Variants in PDCD6IP observed in about 807,000 individuals in gnomAD.
The protein encoded by PDCD6IP is programmed cell death 6-interacting protein.
In PDCD6IP, 43 loss-of-function variants were observed where a neutral mutation model predicts 103.7. That is an observed-to-expected ratio of 0.41 (90% CI 0.32 to 0.53). PDCD6IP has a LOEUF of 0.53. PDCD6IP is among the 20% of genes least tolerant of loss of function. The pLI, the probability that PDCD6IP is intolerant of heterozygous loss-of-function variation, is 0.16. For synonymous variants in PDCD6IP, 354 were observed against 378.7 expected (o/e 0.93, Z 0.76); for missense variants, 871 against 1,036.7 (o/e 0.84, Z 2.20).
chr3:33,865,208 A>G, intron 16 of PDCD6IP, 35 bp from the exon 17 acceptor site: 2 of 1,423,612 alleles, frequency 1.4e-6, no homozygotes, highest in Non-Finnish European at 1.9e-6. Flanking sequence ...AGAAATATGA[A>G]ACATTTTATA....
At chr3:33,848,007 C>A (rs4678617) in intron 12 of PDCD6IP, among the ~76,000 whole-genome samples, 1 of 151,886 alleles carries the variant, frequency 6.6e-6, no homozygotes, top group African/African-American at 2.4e-5. Flanking sequence ...TACCTCCTTA[C>A]AGGTAGAGCA....
At chr3:33,820,712 C>T (rs1279170151) in intron 3 of PDCD6IP, among the ~76,000 whole-genome samples, 1 of 152,104 alleles carries the variant, frequency 6.6e-6, no homozygotes, top group Non-Finnish European at 1.5e-5. Flanking sequence ...AAGATTCATC[C>T]GTGTTATAGC....
At chr3:33,814,661 G>C (rs958606355) in intron 3 of PDCD6IP, among the ~76,000 whole-genome samples, 1 of 142,254 alleles carries the variant, frequency 7.0e-6, no homozygotes, top group Non-Finnish European at 1.5e-5. Flanking sequence ...TATTATATAT[G>C]CATGTATGTA....
intron 10 of PDCD6IP, among the ~76,000 whole-genome samples, chr3:33,843,904 G>T (rs1697531146): frequency 6.9e-6 from 1 of 145,644 alleles, no homozygotes; most frequent in African/African-American, 2.6e-5. Context: ...TGAGAAAGGT[G>T]ATAGCTAATT....
chr3:33,845,880 A>C (rs1169327974), intron 12 of PDCD6IP, among the ~76,000 whole-genome samples: 2 of 152,230 alleles, frequency 1.3e-5, no homozygotes, highest in Non-Finnish European at 2.9e-5. Context: ...GAAGCTTGGA[A>C]GTATAGAAAT....
intron 12 of PDCD6IP, among the ~76,000 whole-genome samples, chr3:33,848,137 T>C (rs1330542462): frequency 2.6e-5 from 4 of 152,208 alleles, no homozygotes; most frequent in African/African-American, 7.2e-5. Flanking sequence ...AGAAAGTTTA[T>C]AGACATATTG....
chr3:33,802,897 C>T (rs1174864438), intron 1 of PDCD6IP, among the ~76,000 whole-genome samples: 1 of 152,186 alleles, frequency 6.6e-6, no homozygotes, highest in Admixed American at 6.5e-5. Flanking sequence ...TCCAGCCTCA[C>T]ATTGAACTAC....
Position 33,798,653 on chromosome 3 carries a change from C to T in PDCD6IP, c.-76C>T, listed in dbSNP as rs954484684. Reference sequence around the variant, plus strand: ...CCAGTCAGTCCGCCAGTCCGCCAGCCCAGTACCTCTCTCTCCTCGGCCCTC... The same window carrying T: ...CCAGTCAGTCCGCCAGTCCGCCAGCTCAGTACCTCTCTCTCCTCGGCCCTC... On this transcript the variant is annotated 5_prime_UTR_variant, in exon 1 of 18. Coordinates refer to ENST00000307296, the MANE Select transcript of PDCD6IP (RefSeq NM_013374.6). 27 of 1,344,900 alleles carry T rather than the reference C, an allele frequency of 2.0e-5. No homozygotes were observed. Among genetic ancestry groups the T allele is most frequent in the African/African-American group, 3.0e-5 (2 of 67,726 alleles). 83.3% of individuals were successfully genotyped at this position (1,344,900 alleles called of 1,614,324 possible). A position where few individuals can be genotyped will look rare whatever the true frequency, so the allele number is the denominator to read the frequency against.
chr3:33,826,174 A>C (rs575563071), intron 5 of PDCD6IP, among the ~76,000 whole-genome samples: 1 of 152,266 alleles, frequency 6.6e-6, no homozygotes, highest in South Asian at 2.1e-4. Flanking sequence ...CACCCTTTCT[A>C]AGTATACAAC....
chr3:33,827,376 CAT>C lies in PDCD6IP; in HGVS notation c.717+799_717+800del, dbSNP rs527323231. 1.3e-3 allele frequency: 343 copies of C among 262,062 alleles called. 2 individuals are homozygous for C. The highest frequency in any genetic ancestry group is 7.0e-3 in the African/African-American group (306 of 43,520). 16.2% of individuals were successfully genotyped at this position (262,062 alleles called of 1,614,324 possible). On this transcript the variant is annotated intron_variant, in intron 6 of 17. Transcript: ENST00000307296. ...TAGGGGAATTTATTGATTTGTAAGT[CAT>C]ATTCAGGAATCTTTGTACATTAAAA... is the stretch of plus-strand genomic sequence containing the variant.
At chr3:33,845,976 A>T (rs1697582922) in intron 12 of PDCD6IP, among the ~76,000 whole-genome samples, 1 of 152,176 alleles carries the variant, frequency 6.6e-6, no homozygotes, top group African/African-American at 2.4e-5. Flanking sequence ...ACCTTGTTTC[A>T]CCGGAACTAC....
chr3:33,807,811 C>G (rs1300928122), intron 1 of PDCD6IP, among the ~76,000 whole-genome samples: 1 of 152,248 alleles, frequency 6.6e-6, no homozygotes, highest in Non-Finnish European at 1.5e-5. Flanking sequence ...TAGTTACATA[C>G]TTATTATATG....
At chr3:33,865,215 T>C in intron 16 of PDCD6IP, 28 bp from the exon 17 acceptor site, 1 of 1,462,838 alleles carries the variant, frequency 6.8e-7, no homozygotes, top group Non-Finnish European at 9.1e-7. Flanking sequence ...TGAAACATTT[T>C]ATAGTCAATG....
At chr3:33,838,788 A>T (rs1033918178) in intron 9 of PDCD6IP, among the ~76,000 whole-genome samples, 18 of 150,924 alleles carry the variant, frequency 1.2e-4, no homozygotes, top group African/African-American at 4.1e-4. Flanking sequence ...ATATATATAT[A>T]TTTATGTATA....
chr3:33,801,217 GTTCA>G (rs1463315912), intron 1 of PDCD6IP, among the ~76,000 whole-genome samples: 1 of 152,184 alleles, frequency 6.6e-6, no homozygotes, highest in East Asian at 1.9e-4. Context: ...GTTGTGTGAT[GTTCA>G]TTCAAATCCG....
intron 12 of PDCD6IP, among the ~76,000 whole-genome samples, chr3:33,848,910 A>G (rs1697655879): frequency 1.3e-5 from 2 of 152,244 alleles, no homozygotes; most frequent in African/African-American, 4.8e-5. Context: ...AATGGCTGAA[A>G]AAAAGTCAAA....
Position 33,866,372 on chromosome 3 carries a change from C to G in PDCD6IP, c.2454C>G (p.Pro818=). 6.4e-7 allele frequency: 1 copy of G among 1,574,626 alleles called. No individual in the cohort carries two copies. The highest frequency in any genetic ancestry group is 8.6e-7 in the Non-Finnish European group (1 of 1,162,672). The change falls in exon 18 of 18, where the codon CCC becomes CCG. Residue 818 remains proline (P), a synonymous_variant. Transcript: ENST00000307296. ...GYPGYCQMPM[P]MGYNPYAYGQ... ...TCAGGTATTGCCAAATGCCCATGCC[C>G]ATGGGCTATAATCCTTATGCGTATG...
At chr3:33,841,715 C>T (rs565499163) in intron 9 of PDCD6IP, among the ~76,000 whole-genome samples, 182 bp from the exon 10 acceptor site, 85 of 151,996 alleles carry the variant, frequency 5.6e-4, no homozygotes, top group African/African-American at 1.2e-3. Context: ...TGGGATTACA[C>T]GCGTGAGCCA....
intron 13 of PDCD6IP, among the ~76,000 whole-genome samples, chr3:33,853,645 A>G (rs1697766527): frequency 6.6e-6 from 1 of 152,198 alleles, no homozygotes; most frequent in South Asian, 2.1e-4. Flanking sequence ...ATATACTAAT[A>G]GAAATCTGTG....
Sources: gnomAD v4.1 joint callset for allele counts (sites outside exome capture counted in the v4.1 genomes callset) on GRCh38, gnomAD v4.1.1 for gene constraint, MANE v1.5 for transcripts, NCBI Gene and HGNC (gene_info 2026-07-23, HGNC 2026-07-21) for gene names.